The following CCSER1 variants were observed in gnomAD, a reference collection of about 807,000 sequenced individuals.
CCSER1 encodes the protein serine-rich coiled-coil domain-containing protein 1.
Under a neutral mutation model 82.0 loss-of-function variants are expected in CCSER1, and 41 were observed. The observed-to-expected ratio is 0.50, with a 90% CI of 0.39 to 0.65. CCSER1 has a LOEUF of 0.65. Among genes scored for constraint, CCSER1 ranks in the 30% least tolerant of loss-of-function variants. The pLI is 0.00. For missense variants in CCSER1, 1,119 were observed against 1,064.2 expected (o/e 1.05, Z -0.72); for synonymous variants, 414 against 383.9 (o/e 1.08, Z -0.92).
At chr4:91,124,963 A>G (rs948235163) in intron 10 of CCSER1, among the ~76,000 whole-genome samples, 30 of 151,724 alleles carry the variant, frequency 2.0e-4, no homozygotes, top group African/African-American at 5.6e-4. Flanking sequence ...TTCTTTCCCT[A>G]CATGTTACTT....
intron 9 of CCSER1, among the ~76,000 whole-genome samples, chr4:90,992,004 G>T (rs1737075120): frequency 6.6e-6 from 1 of 152,068 alleles, no homozygotes; most frequent in South Asian, 2.1e-4. Flanking sequence ...GCACTCCAGA[G>T]TATTGAATGT....
chr4:91,296,485 A>ATATTTT (rs1365247761), intron 10 of CCSER1, among the ~76,000 whole-genome samples: 1 of 140,984 alleles, frequency 7.1e-6, no homozygotes, highest in East Asian at 2.0e-4. Flanking sequence ...ATATATATAT[A>ATATTTT]TTTTAATTAA....
At chr4:91,168,818 G>T (rs2148997379) in intron 10 of CCSER1, among the ~76,000 whole-genome samples, 1 of 152,246 alleles carries the variant, frequency 6.6e-6, no homozygotes, top group East Asian at 1.9e-4. Flanking sequence ...TGTGTAGAAA[G>T]AAGTAGACAT....
At chr4:91,327,036 A>G (rs1746616258) in intron 10 of CCSER1, among the ~76,000 whole-genome samples, 4 of 152,152 alleles carry the variant, frequency 2.6e-5, no homozygotes, top group African/African-American at 9.7e-5. Context: ...TGCCTGCAAC[A>G]GTTCCAGGCA....
intron 1 of CCSER1, among the ~76,000 whole-genome samples, chr4:90,181,022 A>C (rs1043387116): frequency 6.6e-6 from 1 of 152,052 alleles, no homozygotes; most frequent in Non-Finnish European, 1.5e-5. Flanking sequence ...TCTTTACTTC[A>C]TGTGTTGTTG....
At chr4:90,828,806 G>A (rs887528781) in intron 8 of CCSER1, among the ~76,000 whole-genome samples, 3 of 152,098 alleles carry the variant, frequency 2.0e-5, no homozygotes, top group Non-Finnish European at 4.4e-5. Context: ...TTGAAGGAAT[G>A]AATAAAATTT....
chr4:91,295,034 A>C (rs1047993032), intron 10 of CCSER1, among the ~76,000 whole-genome samples: 17 of 152,018 alleles, frequency 1.1e-4, no homozygotes, highest in African/African-American at 3.9e-4. Context: ...CGATACTCTT[A>C]ACAAGATGAC....
chr4:91,085,717 A>G (rs878905628), intron 9 of CCSER1, among the ~76,000 whole-genome samples: 3 of 152,050 alleles, frequency 2.0e-5, no homozygotes, highest in Non-Finnish European at 4.4e-5. Context: ...TTAACATTTT[A>G]TTTTTACTTA....
At chr4:91,341,760 C>G (rs1434804631) in intron 10 of CCSER1, among the ~76,000 whole-genome samples, 1 of 152,180 alleles carries the variant, frequency 6.6e-6, no homozygotes, top group Non-Finnish European at 1.5e-5. Flanking sequence ...CCAGTCTGGT[C>G]TCTTGACCTC....
At chr4:90,855,941 AT>A (rs1252280640) in intron 8 of CCSER1, among the ~76,000 whole-genome samples, 17 of 151,788 alleles carry the variant, frequency 1.1e-4, no homozygotes, top group South Asian at 2.1e-4. Context: ...TTCATTGAAC[AT>A]TTTTTTTCAG....
intron 8 of CCSER1, among the ~76,000 whole-genome samples, chr4:90,825,107 A>G (rs1204608968): frequency 6.6e-6 from 1 of 152,226 alleles, no homozygotes; most frequent in East Asian, 1.9e-4. Flanking sequence ...GCAATAGTAC[A>G]TATTTGTTAA....
intron 10 of CCSER1, among the ~76,000 whole-genome samples, chr4:91,241,354 C>G: frequency 7.3e-6 from 1 of 136,898 alleles, no homozygotes; most frequent in Non-Finnish European, 1.5e-5. Flanking sequence ...GAGACGGAGT[C>G]TTGCTCTGTC....
intron 10 of CCSER1, among the ~76,000 whole-genome samples, chr4:91,100,668 T>C (rs1271639061): frequency 6.6e-6 from 1 of 152,210 alleles, no homozygotes; most frequent in African/African-American, 2.4e-5. Flanking sequence ...ATTTACCTTT[T>C]CTACTTATGG....
At chr4:90,279,909 A>T (rs553075416) in intron 1 of CCSER1, among the ~76,000 whole-genome samples, 1 of 152,174 alleles carries the variant, frequency 6.6e-6, no homozygotes, top group East Asian at 1.9e-4. Context: ...TATTAAGAGC[A>T]TACTGGGGGA....
chr4:91,154,833 T>C (rs1730645452), intron 10 of CCSER1, among the ~76,000 whole-genome samples: 1 of 152,008 alleles, frequency 6.6e-6, no homozygotes, highest in South Asian at 2.1e-4. Flanking sequence ...CAGTTTTAAG[T>C]GCTCATTTAA....
At chr4:91,575,245 A>T (rs1763392346) in intron 10 of CCSER1, among the ~76,000 whole-genome samples, 1 of 152,034 alleles carries the variant, frequency 6.6e-6, no homozygotes, top group South Asian at 2.1e-4. Flanking sequence ...TAAACATAAG[A>T]CCTAAAACCA....
At chr4:90,863,517 C>T (rs533265284) in intron 8 of CCSER1, among the ~76,000 whole-genome samples, 6 of 151,922 alleles carry the variant, frequency 3.9e-5, no homozygotes, top group Admixed American at 3.3e-4. Context: ...TTTTCGTTTC[C>T]TTTATCCCTC....
At chr4:90,564,688 T>G (rs202240263) in intron 5 of CCSER1, among the ~76,000 whole-genome samples, 1 of 52,474 alleles carries the variant, frequency 1.9e-5, no homozygotes. Context: ...ATTCATTTTG[T>G]TTTTTTTTTT....
intron 10 of CCSER1, among the ~76,000 whole-genome samples, chr4:91,136,104 T>A (rs1277120393): frequency 1.3e-5 from 2 of 152,196 alleles, no homozygotes; most frequent in African/African-American, 2.4e-5. Flanking sequence ...CAAATCCAAA[T>A]GTTTTGTCAT....
Sources: gnomAD v4.1 joint callset for allele counts (sites outside exome capture counted in the v4.1 genomes callset) on GRCh38, gnomAD v4.1.1 for gene constraint, MANE v1.5 for transcripts, NCBI Gene and HGNC (gene_info 2026-07-23, HGNC 2026-07-21) for gene names.